RBPJ: variants seen among roughly 807,000 people sequenced by gnomAD.
RBPJ encodes the protein recombining binding protein suppressor of hairless.
A neutral mutation model predicts 67.8 loss-of-function variants in RBPJ; 9 were observed. The ratio of observed to expected loss-of-function variants is 0.13; its 90% confidence interval spans 0.08 to 0.23. RBPJ has a LOEUF of 0.23. RBPJ is among the 10% of genes least tolerant of loss of function. RBPJ has a pLI of 1.00. For missense variants in RBPJ, 305 were observed against 595.6 expected, an observed-to-expected ratio of 0.51 and a Z score of 5.08; for synonymous variants, 198 against 203.3, an observed-to-expected ratio of 0.97 and a Z score of 0.22.
intron 1 of RBPJ, among the ~76,000 whole-genome samples, chr4:26,221,686 A>T (rs1054816061): frequency 6.6e-6 from 1 of 152,372 alleles, no homozygotes; most frequent in East Asian, 1.9e-4. Flanking sequence ...AATACTAAAA[A>T]GAGCACCCAG....
chr4:26,389,944 G>GA (rs1371745988), intron 2 of RBPJ, among the ~76,000 whole-genome samples: 1 of 152,090 alleles, frequency 6.6e-6, no homozygotes, highest in African/African-American at 2.4e-5. Context: ...TTCATTCTGT[G>GA]AGCATAGCAT....
the RBPJ span, among the ~76,000 whole-genome samples, chr4:26,145,120 A>G: frequency 6.6e-6 from 1 of 150,712 alleles, no homozygotes; most frequent in Non-Finnish European, 1.5e-5. Flanking sequence ...CAGTTTTTCC[A>G]GCCTGTCAAG....
chr4:26,427,677 C>T (rs1444580575), intron 7 of RBPJ, among the ~76,000 whole-genome samples: 1 of 152,024 alleles, frequency 6.6e-6, no homozygotes, highest in Non-Finnish European at 1.5e-5. Flanking sequence ...GTTGTAGTGG[C>T]GTCTTTGAGA....
chr4:26,371,389 C>T (rs139494617), intron 1 of RBPJ, among the ~76,000 whole-genome samples: 43 of 152,238 alleles, frequency 2.8e-4, no homozygotes, highest in African/African-American at 8.7e-4. Context: ...TCATCTTGAA[C>T]GTGAATAATA....
At position 26,359,387 on chromosome 4, in the gene RBPJ, A is replaced by AT. The variant is rs558317636; in HGVS notation, c.21-26964dup. Among the ~76,000 whole-genome samples, 25 of 144,900 alleles carry AT rather than the reference A, an allele frequency of 1.7e-4. No individual in the cohort carries two copies. The South Asian group carries it at 3.8e-3, about 22-fold the overall frequency. On this transcript the variant is annotated intron_variant, in intron 1 of 10. Coordinates refer to ENST00000355476, the MANE Select transcript of RBPJ (RefSeq NM_015874.6). ...ACCCAAACCTTTCCTAATAATCAGT[A>AT]TTGCAATGACCATTATAACACCTTC...
At chr4:26,249,888 C>A (rs551148744) in intron 1 of RBPJ, among the ~76,000 whole-genome samples, 2 of 149,650 alleles carry the variant, frequency 1.3e-5, no homozygotes, top group South Asian at 4.2e-4. Flanking sequence ...CAGGTTCAAG[C>A]GATTCTCCTG....
intron 1 of RBPJ, among the ~76,000 whole-genome samples, chr4:26,171,868 TG>T (rs1427293032): frequency 6.6e-6 from 1 of 152,230 alleles, no homozygotes; most frequent in Non-Finnish European, 1.5e-5. Flanking sequence ...ACCTGCCACC[TG>T]CCCCTGTCAT....
At chr4:26,359,390 G>A (rs1363145833) in intron 1 of RBPJ, among the ~76,000 whole-genome samples, 1 of 147,426 alleles carries the variant, frequency 6.8e-6, no homozygotes, top group African/African-American at 2.5e-5. Context: ...AATCAGTATT[G>A]CAATGACCAT....
At chr4:26,128,767 G>C in the RBPJ span, among the ~76,000 whole-genome samples, 1 of 152,160 alleles carries the variant, frequency 6.6e-6, no homozygotes, top group African/African-American at 2.4e-5. Context: ...GTTGTGAAAG[G>C]GATCTGGTGA....
At chr4:26,354,434 T>C (rs976400762) in intron 1 of RBPJ, among the ~76,000 whole-genome samples, 12 of 150,128 alleles carry the variant, frequency 8.0e-5, no homozygotes, top group African/African-American at 2.7e-4. Context: ...TTTTTATTTA[T>C]TGGCAAAAAG....
chr4:26,108,699 A>G, the RBPJ span, among the ~76,000 whole-genome samples: 2 of 152,216 alleles, frequency 1.3e-5, no homozygotes, highest in Non-Finnish European at 2.9e-5. Flanking sequence ...AAAACCAGCT[A>G]TGTTCTGGTA....
At position 26,430,618 on chromosome 4, in the gene RBPJ, T is replaced by C. The variant is rs1266671620; in HGVS notation, c.1149-74T>C. 1.0e-5 allele frequency: 16 copies of C among 1,549,124 alleles called. No homozygotes were observed. The highest frequency in any genetic ancestry group is 1.4e-5 in the Non-Finnish European group (16 of 1,132,658). ...ACTGATTGTAATGTATTAAACAACC[T>C]TGTGTTAAGTCTCATTTTTAACATG... On this transcript the variant is annotated intron_variant, in intron 10 of 10. Coordinates refer to ENST00000355476, the MANE Select transcript of RBPJ (RefSeq NM_015874.6). This position sits in a 1 kb window ranked among gnomAD's most constrained non-coding sequence, Gnocchi z 4.1.
intron 2 of RBPJ, among the ~76,000 whole-genome samples, chr4:26,395,041 C>T (rs144859178): frequency 0.017 from 2,604 of 152,310 alleles, 40 homozygotes; most frequent in Non-Finnish European, 0.028. Flanking sequence ...CCTCTCTGTT[C>T]TCACATGTAC....
intron 1 of RBPJ, among the ~76,000 whole-genome samples, chr4:26,238,089 T>C (rs1011163196): frequency 2.0e-5 from 3 of 152,106 alleles, no homozygotes; most frequent in Non-Finnish European, 4.4e-5. Flanking sequence ...TGAGACAGGG[T>C]CTCACCCTGT....
chr4:26,246,896 T>G lies in RBPJ; in HGVS notation c.-167+83282T>G, dbSNP rs112873118. Among the ~76,000 whole-genome samples the G allele has an allele frequency of 2.0e-3, 309 of 152,192 alleles. 1 individual carries two copies. Among genetic ancestry groups the G allele is most frequent in the African/African-American group, 7.0e-3 (292 of 41,518 alleles). ...ACTACTGTACTCAGGTGTGCCTTAT[T>G]TATAAGCTTCTCATTCATAGAAGAG... On this transcript the variant is annotated intron_variant, in intron 1 of 4. Transcript: ENST00000512351.
intron 2 of RBPJ, among the ~76,000 whole-genome samples, chr4:26,393,617 C>T (rs796128510): frequency 1.1e-4 from 16 of 152,272 alleles, no homozygotes; most frequent in African/African-American, 3.1e-4. Flanking sequence ...TCAAGTGATC[C>T]GCCTGCCTCG....
At chr4:26,111,529 G>A in the RBPJ span, among the ~76,000 whole-genome samples, 1 of 152,178 alleles carries the variant, frequency 6.6e-6, no homozygotes, top group African/African-American at 2.4e-5. Flanking sequence ...CTGCATGGCT[G>A]GCTTTTGGGG....
In RBPJ at chr4:26,264,085, C is replaced by T. The variant is rs1720634504; in HGVS notation, c.-166-98361C>T. Reference sequence around the variant, plus strand: ...AGAGACGGGGTTTCACTATGTTGGCCAGGCTGCAGGCTGGTCTTGAACTCT... The same window carrying T: ...AGAGACGGGGTTTCACTATGTTGGCTAGGCTGCAGGCTGGTCTTGAACTCT... On this transcript the variant is annotated intron_variant, in intron 1 of 4. Transcript: ENST00000512351. The surrounding 1 kb of genome is among the most constrained non-coding windows in gnomAD (Gnocchi z 4.1). Among the ~76,000 whole-genome samples, 1 of 150,606 alleles carries T rather than the reference C, an allele frequency of 6.6e-6. No homozygotes were observed. The highest frequency in any genetic ancestry group is 1.5e-5 in the Non-Finnish European group (1 of 67,678).
chr4:26,434,758 G>T lies in RBPJ; in HGVS notation c.*3751G>T, dbSNP rs1186686024. 6.6e-6 allele frequency: 1 copy of T among 152,196 alleles called. No homozygotes were observed. Among genetic ancestry groups the T allele is most frequent in the Non-Finnish European group, 1.5e-5 (1 of 68,032 alleles). The allele number at this position is 152,196 out of a possible 1,614,324, so 9.4% of individuals were successfully genotyped here. A position where few individuals can be genotyped will look rare whatever the true frequency, so the allele number is the denominator to read the frequency against. On this transcript the variant is annotated 3_prime_UTR_variant, in exon 11 of 11. Transcript: ENST00000355476. ...CCTTAAGGGGTTTATTTTACAAACT[G>T]TGCGCCTGTAAGGTTTATTAGCAAT...
Sources: allele counts gnomAD v4.1 joint callset (sites outside exome capture counted in the v4.1 genomes callset), GRCh38; gene constraint gnomAD v4.1.1; non-coding constraint Gnocchi (gnomAD v3.1); transcripts MANE v1.5; gene names NCBI Gene and HGNC (gene_info 2026-07-23, HGNC 2026-07-21).